The following SERPINI1 variants were observed in gnomAD, a reference collection of about 807,000 sequenced individuals.
The protein encoded by SERPINI1 is neuroserpin.
Under a neutral mutation model 41.1 loss-of-function variants are expected in SERPINI1, and 19 were observed. That is an observed-to-expected ratio of 0.46 (90% confidence interval 0.32 to 0.68). SERPINI1 has a LOEUF of 0.68. Ranked by LOEUF, SERPINI1 falls within the 30% of genes least tolerant of loss-of-function variation. The probability of loss-of-function intolerance (pLI) is 0.03; values close to 1 mark genes in which losing one functional copy is unlikely to be tolerated. For missense variants in SERPINI1, 460 were observed against 479.2 expected (o/e 0.96, Z 0.37); for synonymous variants, 138 against 156.6 (o/e 0.88, Z 0.89).
rs115442454 is a variant in SERPINI1, at chr3:167,779,493, A to G, written c.-18-9618A>G. Among the ~76,000 whole-genome samples the G allele has an allele frequency of 6.8e-3, 1,030 of 152,334 alleles. 6 individuals carry two copies. The highest frequency in any genetic ancestry group is 0.021 in the African/African-American group (886 of 41,578). ...TGTATATTGTGCATTATTATGGACT[A>G]GAATCATTTGCCTCATGACCAGTTT... On this transcript the variant is annotated intron_variant, in intron 1 of 8. Transcript: ENST00000446050.
Position 167,796,320 on chromosome 3 carries a change from A to C in SERPINI1, c.881+1496A>C, listed in dbSNP as rs569374104. ...TGTTATATATTCATAATATATAACTATAAATATATAGCCATATATTTTCTA... is the reference window on the plus strand; with the variant it reads ...TGTTATATATTCATAATATATAACTCTAAATATATAGCCATATATTTTCTA... On this transcript the variant is annotated intron_variant, in intron 5 of 8. Transcript: ENST00000446050. Among the ~76,000 whole-genome samples the C allele has an allele frequency of 2.0e-5, 3 of 151,856 alleles. No individual in the cohort carries two copies. In the East Asian group the frequency reaches 5.8e-4, roughly 29 times the overall value.
At chr3:167,767,223 A>T (rs1453937165) in intron 1 of SERPINI1, among the ~76,000 whole-genome samples, 9 of 152,160 alleles carry the variant, frequency 5.9e-5, no homozygotes. Context: ...TGCTAAATCT[A>T]CTCTGCCTGT....
intron 1 of SERPINI1, among the ~76,000 whole-genome samples, chr3:167,750,805 T>C (rs1004589540): frequency 2.0e-5 from 3 of 152,138 alleles, no homozygotes; most frequent in African/African-American, 7.2e-5. Context: ...TTCTGCAATA[T>C]AATTATGATC....
At chr3:167,793,772 G>T (rs1727613254) in intron 4 of SERPINI1, among the ~76,000 whole-genome samples, 1 of 147,590 alleles carries the variant, frequency 6.8e-6, no homozygotes, top group Non-Finnish European at 1.5e-5. Context: ...ATACATACAG[G>T]TTTTATATGT....
chr3:167,777,218 C>T (rs1022920124), intron 1 of SERPINI1, among the ~76,000 whole-genome samples: 1 of 152,176 alleles, frequency 6.6e-6, no homozygotes, highest in African/African-American at 2.4e-5. Flanking sequence ...GAGTTAAACA[C>T]GTTCTCTCTC....
rs1392040846 is a variant in SERPINI1 at position 167,790,326 on chromosome 3, C to T, written c.251-46C>T. 4 of 1,389,406 alleles carry T rather than the reference C, an allele frequency of 2.9e-6. No homozygotes were observed. In the African/African-American group the frequency reaches 5.7e-5, roughly 20 times the overall value. The allele number at this position is 1,389,406 out of a possible 1,614,324, so 86.1% of individuals were successfully genotyped here. A position where few individuals can be genotyped will look rare whatever the true frequency, so the allele number is the denominator to read the frequency against. On this transcript the variant is annotated intron_variant, in intron 2 of 8. Coordinates refer to ENST00000446050, the MANE Select transcript of SERPINI1 (RefSeq NM_001122752.2). ...TGCTCCTCCACTCTCCTTGACATTT[C>T]ACCGTGTTTGTTCTACAAATAAACT... is the stretch of plus-strand genomic sequence containing the variant.
At chr3:167,741,198 A>G (rs1287379380) in intron 1 of SERPINI1, among the ~76,000 whole-genome samples, 2 of 152,230 alleles carry the variant, frequency 1.3e-5, no homozygotes, top group East Asian at 3.8e-4. Flanking sequence ...TGCCTGGGAA[A>G]GGAGACTTCT....
At chr3:167,758,711 A>G (rs1726273051) in intron 1 of SERPINI1, among the ~76,000 whole-genome samples, 1 of 152,298 alleles carries the variant, frequency 6.6e-6, no homozygotes, top group African/African-American at 2.4e-5. Flanking sequence ...GGGTCAGAAA[A>G]AGATCATTAT....
intron 6 of SERPINI1, among the ~76,000 whole-genome samples, chr3:167,821,134 A>G (rs140094499): frequency 6.6e-6 from 1 of 151,960 alleles, no homozygotes; most frequent in Non-Finnish European, 1.5e-5. Context: ...CTCACCCTCC[A>G]CTTGTCTACA....
At chr3:167,796,641 G>T (rs2108561008) in intron 5 of SERPINI1, among the ~76,000 whole-genome samples, 1 of 152,212 alleles carries the variant, frequency 6.6e-6, no homozygotes, top group Non-Finnish European at 1.5e-5. Flanking sequence ...GTTTGCTGAA[G>T]ATAATAGCTC....
At chr3:167,759,818 A>G (rs1726321360) in intron 1 of SERPINI1, among the ~76,000 whole-genome samples, 2 of 152,168 alleles carry the variant, frequency 1.3e-5, no homozygotes, top group African/African-American at 4.8e-5. Flanking sequence ...AGCTAAAGTA[A>G]AAAAAAGCCA....
At chr3:167,745,874 ACAC>A (rs1725847987) in intron 1 of SERPINI1, among the ~76,000 whole-genome samples, 1 of 152,176 alleles carries the variant, frequency 6.6e-6, no homozygotes, top group Non-Finnish European at 1.5e-5. Context: ...TACAACAAAA[ACAC>A]CAAATGATGT....
At chr3:167,807,131 A>C in intron 5 of SERPINI1, 113 bp from the exon 6 acceptor site, 1 of 761,814 alleles carries the variant, frequency 1.3e-6, no homozygotes, top group South Asian at 1.5e-5. Context: ...CAGTTTTAGC[A>C]TAATTTACTC....
chr3:167,825,274 T>C lies in SERPINI1; in HGVS notation c.1184T>C (p.Met395Thr), dbSNP rs761969364. The C allele has an allele frequency of 1.7e-5, 28 of 1,613,460 alleles. No individual in the cohort carries two copies. Among genetic ancestry groups the C allele is most frequent in the Admixed American group, 5.0e-5 (3 of 60,018 alleles). ...ACAATTCTATTCATGGGACGAGTCA[T>C]GCATCCTGAAACAATGAACACAAGT... ...TGTILFMGRV[M>T]HPETMNTSGH... Residue 395 changes from methionine (M) to threonine (T), a missense_variant, in exon 9 of 9, where the codon ATG becomes ACG. Met to Thr is a moderately conservative substitution (Grantham distance 81). Transcript: ENST00000446050.
intron 1 of SERPINI1, among the ~76,000 whole-genome samples, chr3:167,763,729 T>A (rs1359708840): frequency 6.6e-6 from 1 of 152,154 alleles, no homozygotes; most frequent in Admixed American, 6.5e-5. Flanking sequence ...ATATGTAGAA[T>A]TTCTTTTTCA....
chr3:167,806,614 A>G (rs1178452065), intron 5 of SERPINI1, among the ~76,000 whole-genome samples: 1 of 152,206 alleles, frequency 6.6e-6, no homozygotes. Context: ...AGAGATCACT[A>G]TAACCATAAA....
chr3:167,767,135 G>A (rs1726591641), intron 1 of SERPINI1, among the ~76,000 whole-genome samples: 1 of 152,222 alleles, frequency 6.6e-6, no homozygotes, highest in South Asian at 2.1e-4. Flanking sequence ...CTCATTATGG[G>A]CTAAATGCAG....
chr3:167,747,015 ACAAT>A (rs1439142384), intron 1 of SERPINI1, among the ~76,000 whole-genome samples: 1 of 152,246 alleles, frequency 6.6e-6, no homozygotes, highest in Non-Finnish European at 1.5e-5. Context: ...AAAAGTGGAA[ACAAT>A]CCAATGTTTG....
At chr3:167,742,170 G>T (rs1725701752) in intron 1 of SERPINI1, among the ~76,000 whole-genome samples, 1 of 151,984 alleles carries the variant, frequency 6.6e-6, no homozygotes, top group East Asian at 1.9e-4. Context: ...TTAATAATTA[G>T]TAATATAAAA....
Sources: allele counts gnomAD v4.1 joint callset (sites outside exome capture counted in the v4.1 genomes callset), GRCh38; gene constraint gnomAD v4.1.1; transcripts MANE v1.5; gene names NCBI Gene and HGNC (gene_info 2026-07-23, HGNC 2026-07-21).